ST3GAL3: variants seen among roughly 807,000 people sequenced by gnomAD.
ST3GAL3 encodes the protein CMP-N-acetylneuraminate-beta-1,4-galactoside alpha-2,3-sialyltransferase.
ST3GAL3 carries 21 observed loss-of-function variants against 50.1 expected under a neutral mutation model. That is an observed-to-expected ratio of 0.42 (90% CI 0.30 to 0.60). The LOEUF is 0.60. Ranked by LOEUF, ST3GAL3 falls within the 20% of genes least tolerant of loss-of-function variation. The probability of loss-of-function intolerance (pLI) is 0.19; values close to 1 mark genes in which losing one functional copy is unlikely to be tolerated. For missense variants in ST3GAL3, 353 were observed against 489.4 expected, an observed-to-expected ratio of 0.72 and a Z score of 2.63; for synonymous variants, 183 against 190.0, an observed-to-expected ratio of 0.96 and a Z score of 0.30.
intron 3 of ST3GAL3, among the ~76,000 whole-genome samples, chr1:43,808,215 AATC>A (rs2060127195): frequency 6.6e-6 from 1 of 151,654 alleles, no homozygotes; most frequent in African/African-American, 2.4e-5. Context: ...GAAGCAGGAG[AATC>A]ACTTGAACCC....
intron 3 of ST3GAL3, among the ~76,000 whole-genome samples, chr1:43,805,040 C>G (rs2059717288): frequency 6.6e-6 from 1 of 152,184 alleles, no homozygotes; most frequent in Non-Finnish European, 1.5e-5. Context: ...GAGCCCTGCC[C>G]TTTATGAGAA....
In ST3GAL3 at chr1:43,824,973, C is replaced by G. The variant is rs569602358; in HGVS notation, c.209+10040C>G. Reference sequence around the variant, plus strand: ...TCCTGTCTCAGGAAGTCTCCACTTCCCCAGGTAATTGATACCAAGAATAAA... The same window carrying G: ...TCCTGTCTCAGGAAGTCTCCACTTCGCCAGGTAATTGATACCAAGAATAAA... On this transcript the variant is annotated intron_variant, in intron 4 of 11. Coordinates refer to ENST00000347631, the MANE Select transcript of ST3GAL3 (RefSeq NM_006279.5). 2.7e-4 allele frequency: 196 copies of G among 712,986 alleles called. No homozygotes were observed. The African/African-American group carries it at 3.2e-3, about 12-fold the overall frequency. 44.2% of individuals were successfully genotyped at this position (712,986 alleles called of 1,614,324 possible).
intron 2 of ST3GAL3, among the ~76,000 whole-genome samples, chr1:43,748,140 T>C (rs1684564543): frequency 6.6e-6 from 1 of 152,128 alleles, no homozygotes; most frequent in Non-Finnish European, 1.5e-5. Context: ...ATATATTTCT[T>C]ACTATATAAC....
chr1:43,740,391 A>G (rs1680356150), intron 2 of ST3GAL3, among the ~76,000 whole-genome samples: 1 of 151,870 alleles, frequency 6.6e-6, no homozygotes, highest in African/African-American at 2.4e-5. Context: ...TATTTAGGTC[A>G]GTACCTTGTA....
intron 2 of ST3GAL3, among the ~76,000 whole-genome samples, chr1:43,747,492 G>T (rs1558124143): frequency 1.3e-5 from 2 of 151,862 alleles, no homozygotes; most frequent in South Asian, 4.2e-4. Context: ...GCTGTCTCCA[G>T]GCATGCCACT....
chr1:43,769,117 T>G (rs553672507), intron 2 of ST3GAL3, among the ~76,000 whole-genome samples: 176 of 152,370 alleles, frequency 1.2e-3, no homozygotes, highest in African/African-American at 4.0e-3. Context: ...TCAGTGTAAT[T>G]AATCACATTC....
In ST3GAL3 at chr1:43,852,650, ACT is replaced by A. The variant is rs1558582323; in HGVS notation, c.302+14342_302+14343del. On this transcript the variant is annotated intron_variant, in intron 5 of 11. Transcript: ENST00000347631. Reference sequence around the variant, plus strand: ...AGGATGTGGGAAATGTTGATAAGACACTCTTTTAGTGGAAAGAGTTTCTGAAG... The same window carrying A: ...AGGATGTGGGAAATGTTGATAAGACACTTTTAGTGGAAAGAGTTTCTGAAG... Among the ~76,000 whole-genome samples the A allele has an allele frequency of 2.0e-5, 3 of 152,228 alleles. No individual in the cohort carries two copies. The South Asian group carries it at 6.2e-4, about 32-fold the overall frequency.
Position 43,763,847 on chromosome 1 carries a change from A to G in ST3GAL3, c.118+27467A>G, listed in dbSNP as rs1691508140. On this transcript the variant is annotated intron_variant, in intron 2 of 11. Coordinates refer to ENST00000347631, the MANE Select transcript of ST3GAL3 (RefSeq NM_006279.5). ...TATGTTCCAGGCTCCCCTGCAAATT[A>G]CTTAGTGAACTATACTCCTTACAGT... 2.0e-5 allele frequency among the ~76,000 whole-genome samples: 3 copies of G among 152,276 alleles called. No homozygotes were observed. The South Asian group carries it at 6.2e-4, about 32-fold the overall frequency.
At chr1:43,914,909 T>A (rs181507217) in intron 9 of ST3GAL3, among the ~76,000 whole-genome samples, 38 of 152,300 alleles carry the variant, frequency 2.5e-4, no homozygotes, top group African/African-American at 8.2e-4. Context: ...CAGCTATGCC[T>A]AAGGTCTTGG....
At chr1:43,730,022 A>G (rs1674929497) in intron 1 of ST3GAL3, among the ~76,000 whole-genome samples, 1 of 152,128 alleles carries the variant, frequency 6.6e-6, no homozygotes, top group South Asian at 2.1e-4. Flanking sequence ...TTGAAATTAC[A>G]TCTCTCACAG....
intron 2 of ST3GAL3, among the ~76,000 whole-genome samples, chr1:43,761,979 A>AAAAG: frequency 7.6e-6 from 1 of 131,730 alleles, no homozygotes; most frequent in Non-Finnish European, 1.6e-5. Context: ...AAAAAAAAAA[A>AAAAG]TTCAGGCTGG....
intron 11 of ST3GAL3, among the ~76,000 whole-genome samples, chr1:43,926,458 G>A (rs748879211): frequency 1.2e-3 from 190 of 152,206 alleles, no homozygotes; most frequent in Non-Finnish European, 2.1e-3. Context: ...GTGTGGTGGC[G>A]CATGCCTGTA....
chr1:43,793,846 G>T (rs2058372376), intron 3 of ST3GAL3, among the ~76,000 whole-genome samples: 1 of 152,174 alleles, frequency 6.6e-6, no homozygotes, highest in Non-Finnish European at 1.5e-5. Flanking sequence ...ACTTTGGGAG[G>T]CTGAGACAGG....
intron 5 of ST3GAL3, among the ~76,000 whole-genome samples, chr1:43,855,009 C>G (rs1371284370): frequency 6.6e-6 from 1 of 152,126 alleles, no homozygotes; most frequent in Non-Finnish European, 1.5e-5. Context: ...ATTCAGGTCT[C>G]TCTCATCTCT....
At chr1:43,824,892 G>A in intron 4 of ST3GAL3, 1 of 768,258 alleles carries the variant, frequency 1.3e-6, no homozygotes, top group South Asian at 1.4e-5. Flanking sequence ...AAGCTGCCCA[G>A]GTGAGTCTAA....
intron 1 of ST3GAL3, 33 bp from the exon 2 acceptor site, chr1:43,736,200 T>C: frequency 6.3e-7 from 1 of 1,583,978 alleles, no homozygotes; most frequent in Non-Finnish European, 8.7e-7. Flanking sequence ...ATGAGTGCTT[T>C]GTCTTTTAAG....
At chr1:43,882,862 T>A (rs987539509) in intron 5 of ST3GAL3, among the ~76,000 whole-genome samples, 3 of 152,032 alleles carry the variant, frequency 2.0e-5, no homozygotes, top group African/African-American at 7.2e-5. Context: ...AAAAAGAGAC[T>A]CCCACAGCCC....
At chr1:43,864,543 G>A (rs2070826143) in intron 5 of ST3GAL3, among the ~76,000 whole-genome samples, 1 of 152,206 alleles carries the variant, frequency 6.6e-6, no homozygotes, top group Admixed American at 6.5e-5. Flanking sequence ...CAAGTCCTTG[G>A]TAAGAGGCCT....
At chr1:43,850,337 G>T (rs2067052052) in intron 5 of ST3GAL3, 1 of 595,492 alleles carries the variant, frequency 1.7e-6, no homozygotes, top group Admixed American at 2.3e-5. Flanking sequence ...AGAGAGTGAA[G>T]CTCTCAACCT....
Sources: allele counts gnomAD v4.1 joint callset (sites outside exome capture counted in the v4.1 genomes callset), GRCh38; gene constraint gnomAD v4.1.1; transcripts MANE v1.5; gene names NCBI Gene and HGNC (gene_info 2026-07-23, HGNC 2026-07-21).